The following FOXN3 variants were observed in gnomAD, a reference collection of about 807,000 sequenced individuals.
FOXN3 encodes forkhead box N3.
A neutral mutation model predicts 38.4 loss-of-function variants in FOXN3; 7 were observed. The ratio of observed to expected loss-of-function variants is 0.18; its 90% confidence interval spans 0.10 to 0.34. FOXN3 has a LOEUF of 0.34. FOXN3 is among the 10% of genes least tolerant of loss of function. The pLI is 1.00. For missense variants in FOXN3, 456 were observed against 613.4 expected (o/e 0.74, Z 2.71); for synonymous variants, 230 against 242.2 (o/e 0.95, Z 0.47).
chr14:89,557,570 G>A (rs910009433), intron 1 of FOXN3, among the ~76,000 whole-genome samples: 3 of 152,170 alleles, frequency 2.0e-5, no homozygotes, highest in Non-Finnish European at 4.4e-5. Flanking sequence ...CTGGTTAGCT[G>A]TGGACAAGGC....
chr14:89,569,039 C>T (rs1895431179), intron 1 of FOXN3, among the ~76,000 whole-genome samples: 1 of 152,174 alleles, frequency 6.6e-6, no homozygotes, highest in Non-Finnish European at 1.5e-5. Context: ...CCCATCTCTA[C>T]TAAAAATACA....
chr14:89,191,948 G>GTATATATATATATATATA (rs566312671), intron 4 of FOXN3, among the ~76,000 whole-genome samples: 32 of 117,936 alleles, frequency 2.7e-4, no homozygotes, highest in African/African-American at 1.4e-3. Context: ...ACTGATATTA[G>GTATATATATATATATATA]TATATATATA....
intron 1 of FOXN3, among the ~76,000 whole-genome samples, chr14:89,460,100 G>C (rs1429416988): frequency 6.6e-6 from 1 of 152,148 alleles, no homozygotes; most frequent in Non-Finnish European, 1.5e-5. Flanking sequence ...GCTACTTCTC[G>C]ATGTGGGGAA....
chr14:89,381,975 T>A (rs1890661663), intron 2 of FOXN3, among the ~76,000 whole-genome samples: 1 of 152,092 alleles, frequency 6.6e-6, no homozygotes, highest in South Asian at 2.1e-4. Flanking sequence ...AGCCCACACA[T>A]CTGCCTGTCA....
At chr14:89,408,658 G>A (rs940742292) in intron 2 of FOXN3, among the ~76,000 whole-genome samples, 2 of 150,832 alleles carry the variant, frequency 1.3e-5, no homozygotes, top group African/African-American at 4.9e-5. Context: ...AAGCCCTCAG[G>A]GACAGGGATC....
In FOXN3 at chr14:89,239,046, G is replaced by C. The variant is rs139520264; in HGVS notation, c.745+41904C>G. Among the ~76,000 whole-genome samples the C allele has an allele frequency of 7.1e-4, 108 of 152,252 alleles. 1 individual carries two copies. In the East Asian group the frequency reaches 0.017, roughly 24 times the overall value. On this transcript the variant is annotated intron_variant, in intron 4 of 5. Coordinates refer to ENST00000557258, the MANE Select transcript of FOXN3 (RefSeq NM_005197.4). ...AAAGAGACTGCGAATGATCAACCAG[G>C]GGGAAAAGGCAGAAATCTATGAATG...
At chr14:89,206,412 T>C (rs1438929106) in intron 4 of FOXN3, among the ~76,000 whole-genome samples, 1 of 152,186 alleles carries the variant, frequency 6.6e-6, no homozygotes, top group Non-Finnish European at 1.5e-5. Context: ...ATCTGGGGCA[T>C]ACTTGTTTTT....
At chr14:89,316,972 A>T (rs1887737864) in intron 3 of FOXN3, among the ~76,000 whole-genome samples, 1 of 152,076 alleles carries the variant, frequency 6.6e-6, no homozygotes, top group Admixed American at 6.6e-5. Flanking sequence ...GCCACCAATG[A>T]TGATTCTTTT....
chr14:89,260,011 C>A (rs1885745977), intron 4 of FOXN3, among the ~76,000 whole-genome samples: 1 of 152,212 alleles, frequency 6.6e-6, no homozygotes, highest in Non-Finnish European at 1.5e-5. Context: ...TCAGGTCAGT[C>A]TATGGGATTC....
At chr14:89,363,988 A>T (rs1338060450) in intron 2 of FOXN3, among the ~76,000 whole-genome samples, 21 of 52,036 alleles carry the variant, frequency 4.0e-4, no homozygotes, top group African/African-American at 1.2e-3. Flanking sequence ...ATATATATAT[A>T]ATATATATAT....
chr14:89,226,894 C>T (rs1884657822), intron 4 of FOXN3, among the ~76,000 whole-genome samples: 1 of 152,182 alleles, frequency 6.6e-6, no homozygotes. Context: ...AGACCTGGAA[C>T]AGATTCTTCC....
intron 4 of FOXN3, among the ~76,000 whole-genome samples, chr14:89,210,300 CT>C (rs973153294): frequency 3.4e-4 from 52 of 152,292 alleles, no homozygotes; most frequent in African/African-American, 1.2e-3. Context: ...GCCCCCGCCC[CT>C]CTCACCCTCC....
At chr14:89,297,011 GATCAATCT>G (rs1887059180) in intron 3 of FOXN3, among the ~76,000 whole-genome samples, 1 of 152,148 alleles carries the variant, frequency 6.6e-6, no homozygotes, top group Admixed American at 6.5e-5. Context: ...TGCTAGTGTG[GATCAATCT>G]ATCCATGGCC....
chr14:89,364,187 A>T (rs1890057190), intron 2 of FOXN3, among the ~76,000 whole-genome samples: 1 of 151,048 alleles, frequency 6.6e-6, no homozygotes, highest in Admixed American at 6.6e-5. Context: ...GATTACAAAG[A>T]ATTTTTTTCT....
intron 1 of FOXN3, among the ~76,000 whole-genome samples, chr14:89,533,341 T>C (rs1373753382): frequency 3.3e-5 from 5 of 152,312 alleles, no homozygotes; most frequent in African/African-American, 1.2e-4. Context: ...GGGGCCAGCA[T>C]CATCCTCACC....
At chr14:89,523,855 C>T (rs1341539965) in intron 1 of FOXN3, among the ~76,000 whole-genome samples, 11 of 151,832 alleles carry the variant, frequency 7.2e-5, no homozygotes, top group East Asian at 5.9e-4. Context: ...CTCTACCTCC[C>T]GGGTTCAAGC....
At chr14:89,554,782 C>CTTTTTTT (rs34530866) in intron 1 of FOXN3, among the ~76,000 whole-genome samples, 19 of 68,558 alleles carry the variant, frequency 2.8e-4, no homozygotes, top group African/African-American at 7.6e-4. Flanking sequence ...ACTAGCATTT[C>CTTTTTTT]TTTTTTTTTT....
intron 5 of FOXN3, among the ~76,000 whole-genome samples, chr14:89,178,691 T>C (rs921545398): frequency 6.6e-6 from 1 of 152,196 alleles, no homozygotes; most frequent in African/African-American, 2.4e-5. Context: ...AAATAACACC[T>C]CAAGAGGGAA....
intron 3 of FOXN3, chr14:89,290,879 A>T: frequency 3.5e-6 from 1 of 287,480 alleles, no homozygotes; most frequent in Non-Finnish European, 6.9e-6. Flanking sequence ...TTGTGTCTTC[A>T]TTCTCAAAAA....
Sources: allele counts gnomAD v4.1 joint callset (sites outside exome capture counted in the v4.1 genomes callset), GRCh38; gene constraint gnomAD v4.1.1; transcripts MANE v1.5; gene names NCBI Gene and HGNC (gene_info 2026-07-23, HGNC 2026-07-21).